BMPR1B: variants seen among roughly 807,000 people sequenced by gnomAD.
The protein encoded by BMPR1B is bone morphogenetic protein receptor type-1B.
A neutral mutation model predicts 59.1 loss-of-function variants in BMPR1B; 12 were observed. The ratio of observed to expected loss-of-function variants is 0.20; its 90% confidence interval spans 0.13 to 0.33. BMPR1B has a LOEUF of 0.33. BMPR1B is among the 10% of genes least tolerant of loss of function. The pLI is 1.00. For missense variants in BMPR1B, 550 were observed against 610.9 expected (o/e 0.90, Z 1.05); for synonymous variants, 237 against 207.3 (o/e 1.14, Z -1.23).
intron 1 of BMPR1B, among the ~76,000 whole-genome samples, chr4:94,781,898 A>G (rs1012245228): frequency 6.6e-6 from 1 of 152,020 alleles, no homozygotes; most frequent in African/African-American, 2.4e-5. Flanking sequence ...GCAAAGAGTC[A>G]TATTTATTTA....
chr4:94,908,061 T>TAAAAAAAAA (rs571793477), intron 2 of BMPR1B, among the ~76,000 whole-genome samples: 89 of 46,214 alleles, frequency 1.9e-3, no homozygotes, highest in East Asian at 7.2e-3. Context: ...ACCCTGTCTT[T>TAAAAAAAAA]AAAAAAAAAA....
chr4:94,761,394 T>TA (rs149810089), intron 1 of BMPR1B, among the ~76,000 whole-genome samples: 7,926 of 150,844 alleles, frequency 0.053, 305 homozygotes, highest in South Asian at 0.11. Context: ...TCTCTGGACT[T>TA]ACATTTTCCG....
intron 10 of BMPR1B, among the ~76,000 whole-genome samples, chr4:95,144,690 A>G (rs1385573461): frequency 6.6e-6 from 1 of 152,200 alleles, no homozygotes; most frequent in Non-Finnish European, 1.5e-5. Context: ...TTATTGAAGT[A>G]TAAAAGGGCA....
rs182314421 is a variant in BMPR1B at position 94,872,889 on chromosome 4, G to A, written c.-182-2942G>A. Among the ~76,000 whole-genome samples the A allele has an allele frequency of 3.2e-3, 481 of 152,324 alleles. 7 individuals carry two copies. The highest frequency in any genetic ancestry group is 1.5e-3 in the Non-Finnish European group (105 of 68,038). On this transcript the variant is annotated intron_variant, in intron 1 of 12. Transcript: ENST00000515059. ...GTTTCTGCACCTAAGAAGTTTTAGA[G>A]TGAAGAGATTTCAGTTTGATACAAT...
At chr4:95,147,581 A>G (rs987938865) in intron 10 of BMPR1B, among the ~76,000 whole-genome samples, 1 of 152,120 alleles carries the variant, frequency 6.6e-6, no homozygotes, top group Non-Finnish European at 1.5e-5. Context: ...AAAAAAAAAA[A>G]TTGTTGGGAA....
chr4:94,795,376 G>A (rs1028865342), intron 1 of BMPR1B, among the ~76,000 whole-genome samples: 9 of 151,728 alleles, frequency 5.9e-5, no homozygotes, highest in East Asian at 1.9e-4. Context: ...AAGCCCACTT[G>A]ATCATGGTGG....
intron 3 of BMPR1B, among the ~76,000 whole-genome samples, chr4:95,021,459 A>G (rs917232389): frequency 6.6e-6 from 1 of 152,230 alleles, no homozygotes; most frequent in Admixed American, 6.5e-5. Flanking sequence ...GTGTTAATGT[A>G]TTATGAAATC....
chr4:94,981,522 C>G (rs1721084724), intron 2 of BMPR1B, among the ~76,000 whole-genome samples: 1 of 152,176 alleles, frequency 6.6e-6, no homozygotes, highest in African/African-American at 2.4e-5. Context: ...CAGTTTTTAA[C>G]TGATTAGCTT....
chr4:95,036,049 A>G (rs6855319), intron 3 of BMPR1B, among the ~76,000 whole-genome samples: 40,579 of 151,934 alleles, frequency 0.27, 6,331 homozygotes, highest in South Asian at 0.42. Context: ...CAGCTATCAT[A>G]AAAGGAGTTG....
chr4:94,779,223 A>G (rs1430891834), intron 1 of BMPR1B, among the ~76,000 whole-genome samples: 1 of 152,124 alleles, frequency 6.6e-6, no homozygotes, highest in Non-Finnish European at 1.5e-5. Flanking sequence ...CTATTTATGT[A>G]TAACCTATTG....
At chr4:94,968,811 T>C (rs576271159) in intron 2 of BMPR1B, among the ~76,000 whole-genome samples, 3 of 152,230 alleles carry the variant, frequency 2.0e-5, no homozygotes, top group Non-Finnish European at 4.4e-5. Context: ...ATGTGGTCTT[T>C]TTGTATAATA....
chr4:94,986,253 C>T (rs1721398259), intron 2 of BMPR1B, among the ~76,000 whole-genome samples: 1 of 152,102 alleles, frequency 6.6e-6, no homozygotes, highest in Non-Finnish European at 1.5e-5. Context: ...ATGTTTTCTA[C>T]TTTTACTATA....
chr4:94,760,457 A>G (rs1206069088), intron 1 of BMPR1B, among the ~76,000 whole-genome samples: 1 of 152,208 alleles, frequency 6.6e-6, no homozygotes, highest in African/African-American at 2.4e-5. Flanking sequence ...TTATTTGTTT[A>G]AAAGTATAAG....
intron 3 of BMPR1B, 28 bp from the exon 4 acceptor site, chr4:95,104,380 G>C: frequency 6.2e-7 from 1 of 1,611,106 alleles, no homozygotes; most frequent in Non-Finnish European, 8.5e-7. Context: ...CCCCACAGAT[G>C]CCTAACTCTC....
intron 3 of BMPR1B, among the ~76,000 whole-genome samples, chr4:95,061,100 A>G (rs950838783): frequency 4.6e-5 from 7 of 151,668 alleles, no homozygotes; most frequent in African/African-American, 9.7e-5. Context: ...TTAGCACTCA[A>G]GATAGCTATT....
chr4:94,830,141 A>G (rs1724523406), intron 1 of BMPR1B, among the ~76,000 whole-genome samples: 2 of 152,212 alleles, frequency 1.3e-5, no homozygotes, highest in Non-Finnish European at 2.9e-5. Context: ...ACTCTTGCAT[A>G]TGTTTGTTAC....
chr4:95,014,296 C>T (rs1248611310), intron 3 of BMPR1B, among the ~76,000 whole-genome samples: 1 of 152,148 alleles, frequency 6.6e-6, no homozygotes, highest in African/African-American at 2.4e-5. Flanking sequence ...CATCCAAACT[C>T]AGAAGTTAGA....
intron 2 of BMPR1B, among the ~76,000 whole-genome samples, chr4:94,949,243 G>A (rs1405926054): frequency 4.0e-5 from 6 of 151,162 alleles, no homozygotes; most frequent in Non-Finnish European, 7.4e-5. Context: ...CTGTCCCTGT[G>A]TTAGTTTGCT....
At chr4:94,760,563 G>C (rs557768086) in intron 1 of BMPR1B, among the ~76,000 whole-genome samples, 3 of 152,186 alleles carry the variant, frequency 2.0e-5, no homozygotes, top group Non-Finnish European at 4.4e-5. Flanking sequence ...TCTAAAGTCA[G>C]TTGTCACCTA....
Sources: allele counts gnomAD v4.1 joint callset (sites outside exome capture counted in the v4.1 genomes callset), GRCh38; gene constraint gnomAD v4.1.1; transcripts MANE v1.5; gene names NCBI Gene and HGNC (gene_info 2026-07-23, HGNC 2026-07-21).